Variants in ADCY9 observed in about 807,000 individuals in gnomAD.
ADCY9 encodes adenylate cyclase 9, also known as adenylate cyclase type 9.
Under a neutral mutation model 101.5 loss-of-function variants are expected in ADCY9, and 50 were observed. The observed-to-expected ratio is 0.49, with a 90% CI of 0.39 to 0.62. ADCY9 has a LOEUF of 0.62. Among genes scored for constraint, ADCY9 ranks in the 20% least tolerant of loss-of-function variants. The pLI is 0.00. For missense variants in ADCY9, 1,662 were observed against 1,800.4 expected (o/e 0.92, Z 1.39); for synonymous variants, 905 against 769.3 (o/e 1.18, Z -2.92).
At chr16:4,057,042 C>A (rs968078966) in intron 2 of ADCY9, among the ~76,000 whole-genome samples, 5,064 of 136,224 alleles carry the variant, frequency 0.037, 526 homozygotes, top group African/African-American at 0.14. Context: ...GAAACCGCCC[C>A]CCCCCCCCCC....
At chr16:4,015,329 G>A (rs2056431338) in intron 2 of ADCY9, among the ~76,000 whole-genome samples, 1 of 151,998 alleles carries the variant, frequency 6.6e-6, no homozygotes, top group Non-Finnish European at 1.5e-5. Flanking sequence ...GAGTCCAGGA[G>A]TCCACACACT....
intron 2 of ADCY9, among the ~76,000 whole-genome samples, chr16:4,097,649 A>T (rs1251198416): frequency 1.4e-5 from 2 of 144,818 alleles, no homozygotes; most frequent in African/African-American, 5.1e-5. Flanking sequence ...TGGGTTCAAG[A>T]GATTCTCCTG....
chr16:4,037,949 G>A (rs997118461), intron 2 of ADCY9, among the ~76,000 whole-genome samples: 3 of 152,120 alleles, frequency 2.0e-5, no homozygotes, highest in Admixed American at 1.3e-4. Flanking sequence ...CAAAATTGAC[G>A]TGTTTAAACT....
chr16:3,980,249 C>T (rs967448758), intron 7 of ADCY9, among the ~76,000 whole-genome samples: 4 of 150,942 alleles, frequency 2.7e-5, no homozygotes, highest in South Asian at 4.2e-4. Context: ...GTGTGTCTAG[C>T]GGGCTTCGTT....
chr16:3,953,989 C>G (rs776461918), intron 5 of ADCY9, among the ~76,000 whole-genome samples: 2 of 152,182 alleles, frequency 1.3e-5, no homozygotes, highest in African/African-American at 4.8e-5. Context: ...GATCATCTCA[C>G]GGATGGCTGA....
At chr16:4,103,597 A>G (rs2141202354) in intron 2 of ADCY9, among the ~76,000 whole-genome samples, 1 of 152,288 alleles carries the variant, frequency 6.6e-6, no homozygotes, top group Non-Finnish European at 1.5e-5. Flanking sequence ...TGTGAGGCCG[A>G]GGTAGGGAGA....
chr16:4,048,577 G>A (rs116860469), intron 2 of ADCY9, among the ~76,000 whole-genome samples: 1 of 152,096 alleles, frequency 6.6e-6, no homozygotes. Flanking sequence ...GAGATGAAAC[G>A]GACGTCAGTA....
At chr16:4,044,017 A>G (rs571196922) in intron 2 of ADCY9, among the ~76,000 whole-genome samples, 1 of 152,242 alleles carries the variant, frequency 6.6e-6, no homozygotes, top group African/African-American at 2.4e-5. Context: ...AAAATGAAAT[A>G]GCTTAACTAG....
rs1374162032 is a variant in ADCY9, at chr16:3,966,003, A to C, written c.3834T>G (p.Ile1278Met). 4 of 1,614,184 alleles carry C rather than the reference A, an allele frequency of 2.5e-6. No homozygotes were observed. Among genetic ancestry groups the C allele is most frequent in the Non-Finnish European group, 3.4e-6 (4 of 1,180,030 alleles). Residue 1278 changes from isoleucine to methionine, a missense_variant, in exon 11 of 11, where the codon ATT becomes ATG. Ile to Met is a conservative substitution (Grantham distance 10, BLOSUM62 1). This residue lies in a region of ADCY9 where 168 missense variants were observed against 155.3 expected (regional missense o/e 1.08). Transcript: ENST00000294016. ...ACTGGACAGAAGGCACCAGGTTGGCAATCTCGTCTGTGGGAGACCGTCCGA... is the reference window on the plus strand; with the variant it reads ...ACTGGACAGAAGGCACCAGGTTGGCCATCTCGTCTGTGGGAGACCGTCCGA... ...GSIGRSPTDE[I>M]ANLVPSVQYV...
At chr16:4,087,679 A>G (rs1336068383) in intron 2 of ADCY9, among the ~76,000 whole-genome samples, 2 of 151,940 alleles carry the variant, frequency 1.3e-5, no homozygotes, top group African/African-American at 4.8e-5. Flanking sequence ...ATCAAATCAG[A>G]TCCTTTGCTC....
chr16:4,080,359 T>C (rs966104916), intron 2 of ADCY9, among the ~76,000 whole-genome samples: 6 of 152,336 alleles, frequency 3.9e-5, no homozygotes, highest in African/African-American at 1.4e-4. Flanking sequence ...TTCTCCTGCC[T>C]TAGCCTCCCG....
intron 2 of ADCY9, 66 bp downstream of exon 2, chr16:4,113,675 CTGGAAGCTT>C: frequency 6.6e-7 from 1 of 1,518,662 alleles, no homozygotes; most frequent in Non-Finnish European, 8.8e-7. Context: ...GACACTGAGG[CTGGAAGCTT>C]TTTTTTTTAA....
intron 2 of ADCY9, among the ~76,000 whole-genome samples, chr16:4,081,244 G>A (rs1183620402): frequency 6.6e-6 from 1 of 152,156 alleles, no homozygotes; most frequent in African/African-American, 2.4e-5. Context: ...GCGGCACCTG[G>A]GAATTCTAGT....
At chr16:4,046,975 A>T (rs1002064744) in intron 2 of ADCY9, among the ~76,000 whole-genome samples, 5 of 152,140 alleles carry the variant, frequency 3.3e-5, no homozygotes, top group Non-Finnish European at 7.4e-5. Flanking sequence ...ACGCCACTGG[A>T]CTCCAGCCTG....
chr16:4,026,994 C>T (rs545834957), intron 2 of ADCY9, among the ~76,000 whole-genome samples: 7 of 152,336 alleles, frequency 4.6e-5, no homozygotes, highest in African/African-American at 1.2e-4. Flanking sequence ...CCTCCCGCAA[C>T]CAACCAGACT....
intron 5 of ADCY9, among the ~76,000 whole-genome samples, 154 bp from the exon 6 acceptor site, chr16:3,989,250 C>T (rs2056224071): frequency 6.6e-6 from 1 of 152,182 alleles, no homozygotes; most frequent in African/African-American, 2.4e-5. Flanking sequence ...CTCAGCTGCC[C>T]CTTGTTAAAA....
intron 2 of ADCY9, among the ~76,000 whole-genome samples, chr16:4,047,001 C>G (rs1415188583): frequency 6.6e-6 from 1 of 151,164 alleles, no homozygotes; most frequent in Admixed American, 6.6e-5. Context: ...CAGAGCAAGA[C>G]CCAATCTAAA....
chr16:4,097,986 C>A (rs943016231), intron 2 of ADCY9, among the ~76,000 whole-genome samples: 1 of 151,962 alleles, frequency 6.6e-6, no homozygotes, highest in Non-Finnish European at 1.5e-5. Flanking sequence ...ATTCCAGTGG[C>A]GTGGAAACAG....
intron 2 of ADCY9, among the ~76,000 whole-genome samples, chr16:4,052,591 T>A (rs1334600024): frequency 2.0e-5 from 3 of 152,154 alleles, no homozygotes. Flanking sequence ...AAAATTAGAA[T>A]ATAACGCCAC....
Sources: gnomAD v4.1 joint callset for allele counts (sites outside exome capture counted in the v4.1 genomes callset) on GRCh38, gnomAD v4.1.1 for gene constraint, gnomAD v4.1.1 regional missense constraint, MANE v1.5 for transcripts, NCBI Gene and HGNC (gene_info 2026-07-23, HGNC 2026-07-21) for gene names.